Variants in UNC79 observed in about 807,000 individuals in gnomAD.
UNC79 encodes the protein unc-79 subunit of NALCN channel complex.
Under a neutral mutation model 283.1 loss-of-function variants are expected in UNC79, and 37 were observed. The ratio of observed to expected loss-of-function variants is 0.13; its 90% CI spans 0.10 to 0.17. The LOEUF (loss-of-function observed/expected upper bound fraction) is 0.17, where lower values mean the gene tolerates loss of function less well. Ranked by LOEUF, UNC79 falls within the 10% of genes least tolerant of loss-of-function variation. UNC79 has a pLI of 1.00. For missense variants in UNC79, 2,272 were observed against 3,211.1 expected, an observed-to-expected ratio of 0.71 and a Z score of 7.07; for synonymous variants, 1,107 against 1,200.2, an observed-to-expected ratio of 0.92 and a Z score of 1.61.
At chr14:93,453,151 C>T (rs911264158) in intron 1 of UNC79, among the ~76,000 whole-genome samples, 6 of 152,206 alleles carry the variant, frequency 3.9e-5, no homozygotes, top group East Asian at 1.9e-4. Flanking sequence ...CATTTAAGGA[C>T]GGTGCTGGCT....
chr14:93,701,584 G>T (rs1037875357), intron 47 of UNC79, among the ~76,000 whole-genome samples: 1 of 152,156 alleles, frequency 6.6e-6, no homozygotes, highest in Admixed American at 6.5e-5. Context: ...TCATAACATT[G>T]CAGAGCCCAA....
exon 33 of UNC79, chr14:93,641,192 T>C: frequency 6.2e-7 from 1 of 1,613,854 alleles, no homozygotes; most frequent in Non-Finnish European, 8.5e-7. Flanking sequence ...AGTCAGTATG[T>C]TTGTGCCTGC....
chr14:93,592,737 G>GA (rs2141938895), intron 22 of UNC79, among the ~76,000 whole-genome samples: 1 of 151,932 alleles, frequency 6.6e-6, no homozygotes, highest in Admixed American at 6.5e-5. Context: ...TTAAATAATT[G>GA]AAAAAAATGG....
chr14:93,641,110 T>C, intron 32 of UNC79, 35 bp from the exon 36 acceptor site: 3 of 1,590,480 alleles, frequency 1.9e-6, no homozygotes, highest in Non-Finnish European at 2.6e-6. Flanking sequence ...GAAGCTCATC[T>C]ATATTCACTG....
At chr14:93,371,882 T>A in intron 1 of UNC79, among the ~76,000 whole-genome samples, 1 of 150,640 alleles carries the variant, frequency 6.6e-6, no homozygotes, top group Admixed American at 6.6e-5. Flanking sequence ...TCAGAAACCG[T>A]GCAAACAAGA....
intron 5 of UNC79, among the ~76,000 whole-genome samples, chr14:93,488,598 A>G (rs2058567837): frequency 6.6e-6 from 1 of 152,086 alleles, no homozygotes; most frequent in Admixed American, 6.6e-5. Flanking sequence ...AATGCTTCTT[A>G]GTTTGGAGTG....
At chr14:93,410,064 G>T (rs1413336809) in intron 1 of UNC79, among the ~76,000 whole-genome samples, 2 of 152,248 alleles carry the variant, frequency 1.3e-5, no homozygotes, top group Non-Finnish European at 2.9e-5. Context: ...GAAGAGGCTA[G>T]AAAAGAGTTT....
chr14:93,615,761 A>C (rs2066677154), intron 27 of UNC79, among the ~76,000 whole-genome samples: 1 of 146,562 alleles, frequency 6.8e-6, no homozygotes, highest in Non-Finnish European at 1.5e-5. Context: ...GAAGAAAAGA[A>C]GAAAAGAAAA....
At chr14:93,605,718 A>G (rs1484630937) in intron 26 of UNC79, among the ~76,000 whole-genome samples, 2 of 152,238 alleles carry the variant, frequency 1.3e-5, no homozygotes, top group East Asian at 3.8e-4. Context: ...AATGGTACAG[A>G]CATTCTCAGA....
intron 1 of UNC79, among the ~76,000 whole-genome samples, chr14:93,396,069 CTTCA>C (rs2054989846): frequency 6.6e-6 from 1 of 152,012 alleles, no homozygotes; most frequent in South Asian, 2.1e-4. Context: ...GTTCATTTTT[CTTCA>C]TTCTTTCTTT....
At chr14:93,448,502 T>C (rs754355812) in intron 1 of UNC79, among the ~76,000 whole-genome samples, 10 of 152,216 alleles carry the variant, frequency 6.6e-5, no homozygotes, top group Non-Finnish European at 1.2e-4. Flanking sequence ...ATCTATTTCC[T>C]TTCAGGATCA....
chr14:93,601,145 TG>T (rs771800226), intron 25 of UNC79, among the ~76,000 whole-genome samples: 32 of 152,308 alleles, frequency 2.1e-4, no homozygotes, highest in Non-Finnish European at 3.8e-4. Flanking sequence ...AGGTGGGTTT[TG>T]GTTACATGGA....
intron 20 of UNC79, among the ~76,000 whole-genome samples, chr14:93,583,895 AC>A (rs1304123638): frequency 6.9e-6 from 1 of 144,894 alleles, no homozygotes; most frequent in African/African-American, 2.6e-5. Context: ...AGCCTTGACC[AC>A]CTGGGCTCAA....
chr14:93,443,420 A>G (rs973941341), intron 1 of UNC79, among the ~76,000 whole-genome samples: 2 of 109,682 alleles, frequency 1.8e-5, no homozygotes, highest in African/African-American at 7.2e-5. Flanking sequence ...TTTCTGTCTG[A>G]CTTCTTTTTT....
intron 1 of UNC79, among the ~76,000 whole-genome samples, chr14:93,365,725 CGAAG>C (rs1233354467): frequency 2.6e-5 from 4 of 151,296 alleles, no homozygotes; most frequent in Non-Finnish European, 5.9e-5. Flanking sequence ...AGAGAAAAGA[CGAAG>C]GAATTAGAAA....
chr14:93,539,538 A>AAAT (rs1354489020), intron 12 of UNC79, among the ~76,000 whole-genome samples: 1 of 151,962 alleles, frequency 6.6e-6, no homozygotes, highest in African/African-American at 2.4e-5. Context: ...TAAATTAAAA[A>AAAT]AATAATAATA....
intron 14 of UNC79, among the ~76,000 whole-genome samples, chr14:93,568,096 T>C (rs1353413029): frequency 6.6e-6 from 1 of 152,166 alleles, no homozygotes; most frequent in Admixed American, 6.5e-5. Context: ...AGATTTGCCC[T>C]GAGCAGTTCC....
intron 39 of UNC79, among the ~76,000 whole-genome samples, chr14:93,660,265 C>T (rs2071395743): frequency 1.3e-5 from 2 of 151,996 alleles, no homozygotes; most frequent in South Asian, 4.1e-4. Context: ...CACTCATTTA[C>T]AGACGAGGAA....
At chr14:93,385,332 T>G (rs1274708367) in intron 1 of UNC79, among the ~76,000 whole-genome samples, 1 of 152,218 alleles carries the variant, frequency 6.6e-6, no homozygotes, top group Non-Finnish European at 1.5e-5. Flanking sequence ...TTTGGTGTCT[T>G]CTTTAATTTT....
Sources: allele counts gnomAD v4.1 joint callset (sites outside exome capture counted in the v4.1 genomes callset), GRCh38; gene constraint gnomAD v4.1.1; transcripts MANE v1.5; gene names NCBI Gene and HGNC (gene_info 2026-07-23, HGNC 2026-07-21).